Variants in MDGA2 observed in about 807,000 individuals in gnomAD.
MDGA2 encodes MAM domain-containing glycosylphosphatidylinositol anchor protein 2.
MDGA2 carries 40 observed loss-of-function variants against 117.8 expected under a neutral mutation model. That is an observed-to-expected ratio of 0.34 (90% CI 0.26 to 0.44). The LOEUF (loss-of-function observed/expected upper bound fraction) is 0.44, where lower values mean the gene tolerates loss of function less well. Ranked by LOEUF, MDGA2 falls within the 20% of genes least tolerant of loss-of-function variation. The probability of loss-of-function intolerance (pLI) is 1.00; values close to 1 mark genes in which losing one functional copy is unlikely to be tolerated. For synonymous variants in MDGA2, 452 were observed against 439.0 expected (o/e 1.03, Z -0.37); for missense variants, 1,123 against 1,250.6 (o/e 0.90, Z 1.54).
chr14:47,283,164 G>T (rs1296673821), intron 2 of MDGA2, among the ~76,000 whole-genome samples: 1 of 152,150 alleles, frequency 6.6e-6, no homozygotes, highest in Non-Finnish European at 1.5e-5. Flanking sequence ...AAGGAGAAGT[G>T]AGGGTTAGGG....
intron 1 of MDGA2, among the ~76,000 whole-genome samples, chr14:47,472,537 C>A (rs914299786): frequency 6.6e-6 from 1 of 152,154 alleles, no homozygotes; most frequent in Admixed American, 6.6e-5. Flanking sequence ...ACAAGCAGAC[C>A]TTGTCTGCTT....
chr14:47,608,493 A>G (rs1896781555), intron 1 of MDGA2, among the ~76,000 whole-genome samples: 1 of 152,124 alleles, frequency 6.6e-6, no homozygotes, highest in Non-Finnish European at 1.5e-5. Context: ...AAATACAAAT[A>G]AAAAGGCTGT....
chr14:47,627,899 C>G (rs1313587007), intron 1 of MDGA2, among the ~76,000 whole-genome samples: 3 of 152,202 alleles, frequency 2.0e-5, no homozygotes, highest in Non-Finnish European at 1.5e-5. Flanking sequence ...AAGGAAGAAA[C>G]TCCGCACACA....
chr14:47,614,766 A>G (rs896394866), intron 1 of MDGA2, among the ~76,000 whole-genome samples: 2 of 152,212 alleles, frequency 1.3e-5, no homozygotes, highest in Non-Finnish European at 2.9e-5. Flanking sequence ...CCAATTCCAC[A>G]TTGTAAGATG....
chr14:47,326,900 AG>A (rs1890160533), intron 1 of MDGA2, among the ~76,000 whole-genome samples: 1 of 152,162 alleles, frequency 6.6e-6, no homozygotes, highest in Non-Finnish European at 1.5e-5. Context: ...CATCAGTCAA[AG>A]CCCTGTCGGG....
Position 47,218,684 on chromosome 14 carries a change from T to A in MDGA2, c.421-489A>T, listed in dbSNP as rs923761119. On this transcript the variant is annotated intron_variant, in intron 2 of 16. Transcript: ENST00000399232. The stretch of plus-strand genomic sequence containing the variant: ...TTAGACATAATACCATAATGGCTTA[T>A]TGAGATTATGTATAATTTTAAACAC... 2.6e-5 allele frequency among the ~76,000 whole-genome samples: 4 copies of A among 152,122 alleles called. 1 individual carries two copies. Among genetic ancestry groups the A allele is most frequent in the African/African-American group, 9.7e-5 (4 of 41,442 alleles).
Position 46,920,085 on chromosome 14 carries a change from T to A in MDGA2, c.2165A>T (p.Tyr722Phe), listed in dbSNP as rs745740245. The A allele has an allele frequency of 6.2e-7, 1 of 1,612,074 alleles. No individual in the cohort carries two copies. Residue 722 changes from tyrosine to phenylalanine, a missense_variant, in exon 10 of 17, where the codon TAC becomes TTC. Physicochemically the swap from Tyr to Phe is conservative, Grantham distance 22. Coordinates refer to ENST00000399232, the MANE Select transcript of MDGA2 (RefSeq NM_001113498.3). The part of the protein sequence containing the change: ...VWQNRHRVYS[Y>F]SLQWTQMNPD... ...ATTCATCTGTGTCCACTGTAGACTG[T>A]AAGAATAAACACGGTGTCTGTTCTG... is the stretch of plus-strand genomic sequence containing the variant.
intron 5 of MDGA2, among the ~76,000 whole-genome samples, chr14:47,117,633 A>G (rs1881402647): frequency 6.6e-6 from 1 of 152,182 alleles, no homozygotes; most frequent in South Asian, 2.1e-4. Flanking sequence ...CATTATGCTA[A>G]GTGAAATGAG....
At chr14:47,323,283 C>T (rs1239579614) in intron 1 of MDGA2, among the ~76,000 whole-genome samples, 2 of 150,462 alleles carry the variant, frequency 1.3e-5, no homozygotes, top group Admixed American at 6.6e-5. Context: ...TGACTTGTGG[C>T]TTGACTTGAT....
intron 10 of MDGA2, among the ~76,000 whole-genome samples, chr14:46,883,861 A>C (rs1386155372): frequency 2.0e-5 from 3 of 152,070 alleles, no homozygotes; most frequent in Non-Finnish European, 1.5e-5. Flanking sequence ...ATTCAGATAT[A>C]TATATATGAC....
intron 7 of MDGA2, 33 bp from the exon 8 acceptor site, chr14:47,035,337 T>C: frequency 6.5e-7 from 1 of 1,545,464 alleles, no homozygotes; most frequent in Non-Finnish European, 8.8e-7. Context: ...TTTTCAAGGT[T>C]AGTATAAACT....
chr14:47,374,308 T>C (rs1243027672), intron 1 of MDGA2, among the ~76,000 whole-genome samples: 2 of 152,128 alleles, frequency 1.3e-5, no homozygotes, highest in African/African-American at 2.4e-5. Context: ...TCATGAATAA[T>C]GTACCTGACC....
At chr14:47,205,685 A>C (rs1415607290) in intron 3 of MDGA2, among the ~76,000 whole-genome samples, 1 of 151,994 alleles carries the variant, frequency 6.6e-6, no homozygotes, top group African/African-American at 2.4e-5. Flanking sequence ...ACAAGCTTAG[A>C]TGTAGAAAAG....
chr14:47,046,602 AAAATAAAT>A (rs34663840), intron 7 of MDGA2, among the ~76,000 whole-genome samples: 5 of 149,086 alleles, frequency 3.4e-5, no homozygotes, highest in African/African-American at 4.9e-5. Context: ...AAGTATAATA[AAAATAAAT>A]AAATAAATAA....
At chr14:47,365,155 C>G (rs1891205700) in intron 1 of MDGA2, among the ~76,000 whole-genome samples, 1 of 152,226 alleles carries the variant, frequency 6.6e-6, no homozygotes, top group South Asian at 2.1e-4. Flanking sequence ...ATACTTTCAT[C>G]TCCATCCGCC....
chr14:47,074,061 ACATGATCATAATTAAATTAG>A (rs909710032), intron 6 of MDGA2, among the ~76,000 whole-genome samples: 2 of 152,182 alleles, frequency 1.3e-5, no homozygotes, highest in African/African-American at 2.4e-5. Context: ...GTATTTATGA[ACATGATCATAATTAAATTAG>A]CATGATCATA....
intron 1 of MDGA2, among the ~76,000 whole-genome samples, chr14:47,559,730 G>A (rs1005139780): frequency 4.0e-5 from 6 of 151,772 alleles, no homozygotes; most frequent in African/African-American, 9.7e-5. Context: ...CCACCACCAC[G>A]CCCAGCTAAT....
intron 10 of MDGA2, among the ~76,000 whole-genome samples, chr14:46,885,706 G>A (rs564090893): frequency 2.6e-5 from 4 of 152,094 alleles, no homozygotes; most frequent in Non-Finnish European, 5.9e-5. Flanking sequence ...ATTAGCAGAA[G>A]ACTGGAGACT....
intron 7 of MDGA2, chr14:47,059,089 C>T (rs148914105): frequency 5.9e-6 from 6 of 1,019,718 alleles, no homozygotes; most frequent in African/African-American, 1.7e-5. Flanking sequence ...GTAAGAGGCA[C>T]AGCAAATGTC....
Sources: gnomAD v4.1 joint callset for allele counts (sites outside exome capture counted in the v4.1 genomes callset) on GRCh38, gnomAD v4.1.1 for gene constraint, MANE v1.5 for transcripts, NCBI Gene and HGNC (gene_info 2026-07-23, HGNC 2026-07-21) for gene names.